Variants in SPAST observed in about 807,000 individuals in gnomAD.
SPAST encodes spastin.
Under a neutral mutation model 76.6 loss-of-function variants are expected in SPAST, and 30 were observed. That is an observed-to-expected ratio of 0.39 (90% confidence interval 0.29 to 0.53). The LOEUF is 0.53. SPAST is among the 20% of genes least tolerant of loss of function. SPAST has a pLI of 0.68. For missense variants in SPAST, 717 were observed against 770.5 expected (o/e 0.93, Z 0.82); for synonymous variants, 305 against 281.0 (o/e 1.09, Z -0.86).
chr2:32,129,069 C>CTCCAAAACTGT (rs1679287689), intron 9 of SPAST: 1 of 154,628 alleles, frequency 6.5e-6, no homozygotes, highest in African/African-American at 2.4e-5. Flanking sequence ...GACTTCAACA[C>CTCCAAAACTGT]GTTTTTGGAG....
At chr2:32,143,311 A>C in intron 13 of SPAST, 25 bp from the exon 14 acceptor site, 1 of 1,260,592 alleles carries the variant, frequency 7.9e-7, no homozygotes, top group Non-Finnish European at 1.2e-6. Context: ...ATTAGACTGA[A>C]TGATCATTTT....
At chr2:32,086,830 C>G (rs1405703614) in intron 1 of SPAST, among the ~76,000 whole-genome samples, 2 of 151,818 alleles carry the variant, frequency 1.3e-5, no homozygotes, top group African/African-American at 4.8e-5. Context: ...AGAAATAAAA[C>G]AAAAAATTAA....
chr2:32,111,985 GTA>G (rs1678628316), intron 4 of SPAST, among the ~76,000 whole-genome samples: 2 of 145,672 alleles, frequency 1.4e-5, no homozygotes, highest in African/African-American at 5.2e-5. Context: ...AGTAGTAGTA[GTA>G]GTAGTAGTAG....
Position 32,154,413 on chromosome 2 carries a change from A to G in SPAST, c.1768A>G (p.Lys590Glu). 1 of 1,612,822 alleles carries G rather than the reference A, an allele frequency of 6.2e-7. No individual in the cohort carries two copies. Among genetic ancestry groups the G allele is most frequent in the African/African-American group, 1.3e-5 (1 of 75,028 alleles). The change falls in exon 17 of 17, where the codon AAA becomes GAA. Residue 590 changes from lysine (K) to glutamate (E), a missense_variant. Lys to Glu is a moderately conservative substitution (Grantham distance 56, BLOSUM62 1). Around this residue, in one of 3 missense-constraint regions of SPAST, gnomAD observed 96 missense variants for 127.6 expected, o/e 0.75. Coordinates refer to ENST00000315285, the MANE Select transcript of SPAST (RefSeq NM_014946.4). Reference sequence around the variant, plus strand: ...ATTATCTGACTTCACTGAATCCTTGAAAAAAATAAAACGCAGCGTCAGCCC... The same window carrying G: ...ATTATCTGACTTCACTGAATCCTTGGAAAAAATAAAACGCAGCGTCAGCCC... ...IRLSDFTESL[K>E]KIKRSVSPQT... is the part of the protein sequence containing the mutation.
intron 3 of SPAST, among the ~76,000 whole-genome samples, chr2:32,093,515 T>G (rs184580293): frequency 6.6e-6 from 1 of 152,208 alleles, no homozygotes; most frequent in African/African-American, 2.4e-5. Flanking sequence ...CCACCTCTTG[T>G]CCACTCCTAA....
At chr2:32,081,283 A>T (rs567451621) in intron 1 of SPAST, among the ~76,000 whole-genome samples, 1 of 151,208 alleles carries the variant, frequency 6.6e-6, no homozygotes, top group East Asian at 2.0e-4. Context: ...TTCAGTAGAG[A>T]TGGGGCTTCA....
chr2:32,098,724 C>A, intron 3 of SPAST, 72 bp from the exon 4 acceptor site: 3 of 996,936 alleles, frequency 3.0e-6, no homozygotes, highest in Non-Finnish European at 4.8e-6. Flanking sequence ...ATTTCACATG[C>A]ACATTTTATT....
intron 4 of SPAST, among the ~76,000 whole-genome samples, chr2:32,110,590 A>G (rs902424882): frequency 1.6e-5 from 2 of 126,338 alleles, no homozygotes; most frequent in Admixed American, 8.3e-5. Flanking sequence ...TAGTGTATAT[A>G]TCGTATATAC....
rs1676533468 is a variant in SPAST, at chr2:32,066,884, G to T, written c.415+2638G>T. The stretch of plus-strand genomic sequence containing the variant: ...AGCTACTTGGGGGGCTGAGGTAGGA[G>T]GATCACTTGAGCTCAGGTTGTTCAG... On this transcript the variant is annotated intron_variant, in intron 1 of 16. Transcript: ENST00000315285. Among the ~76,000 whole-genome samples the T allele has an allele frequency of 2.0e-5, 3 of 148,812 alleles. No homozygotes were observed. The Admixed American group carries it at 2.1e-4, about 10-fold the overall frequency.
chr2:32,143,689 TTAAAG>T (rs1391487122), intron 14 of SPAST, among the ~76,000 whole-genome samples: 1 of 152,128 alleles, frequency 6.6e-6, no homozygotes. Flanking sequence ...GTAAGTGGTA[TTAAAG>T]TAATTTAAAC....
chr2:32,069,025 C>T (rs1417142843), intron 1 of SPAST, among the ~76,000 whole-genome samples: 1 of 152,048 alleles, frequency 6.6e-6, no homozygotes, highest in Non-Finnish European at 1.5e-5. Context: ...GCCTGGCCAA[C>T]ATATTAGTGA....
chr2:32,122,790 AT>A (rs944504578), intron 7 of SPAST, among the ~76,000 whole-genome samples: 1 of 150,276 alleles, frequency 6.7e-6, no homozygotes, highest in Non-Finnish European at 1.5e-5. Flanking sequence ...AAAAAAAAAA[AT>A]AGATGAATAT....
At chr2:32,147,304 GA>G (rs1558343311) in intron 16 of SPAST, 46 bp downstream of exon 16, 1 of 1,008,480 alleles carries the variant, frequency 9.9e-7, no homozygotes, top group Non-Finnish European at 1.5e-6. Flanking sequence ...TATATTGTAA[GA>G]CATATATAAG....
intron 16 of SPAST, among the ~76,000 whole-genome samples, chr2:32,150,638 A>C (rs1161163798): frequency 1.3e-5 from 2 of 151,548 alleles, no homozygotes; most frequent in South Asian, 2.1e-4. Flanking sequence ...GGGTCTCACT[A>C]TGTTGCCTAG....
chr2:32,137,744 T>G (rs185837539), intron 12 of SPAST, among the ~76,000 whole-genome samples: 1 of 152,150 alleles, frequency 6.6e-6, no homozygotes, highest in African/African-American at 2.4e-5. Context: ...ATGGGTTACG[T>G]GGGTATATTG....
intron 16 of SPAST, among the ~76,000 whole-genome samples, chr2:32,149,833 A>G (rs149643784): frequency 6.8e-4 from 104 of 152,246 alleles, no homozygotes; most frequent in African/African-American, 2.2e-3. Context: ...TTTGCTATCT[A>G]TGGGGGAACC....
intron 4 of SPAST, among the ~76,000 whole-genome samples, chr2:32,111,566 A>G (rs933005611): frequency 4.0e-5 from 6 of 151,406 alleles, no homozygotes; most frequent in African/African-American, 1.5e-4. Flanking sequence ...GCCACGTATT[A>G]TATATTAATG....
chr2:32,117,165 A>G (rs1027757266), intron 7 of SPAST, among the ~76,000 whole-genome samples: 1 of 152,090 alleles, frequency 6.6e-6, no homozygotes, highest in Non-Finnish European at 1.5e-5. Flanking sequence ...AGGCAGGAGA[A>G]TCGCTTGAAC....
chr2:32,076,911 T>C (rs1676983926), intron 1 of SPAST, among the ~76,000 whole-genome samples: 1 of 152,118 alleles, frequency 6.6e-6, no homozygotes, highest in Non-Finnish European at 1.5e-5. Context: ...AGTCTCGTTG[T>C]GTCGCCCAGG....
Sources: gnomAD v4.1 joint callset for allele counts (sites outside exome capture counted in the v4.1 genomes callset) on GRCh38, gnomAD v4.1.1 for gene constraint, gnomAD v4.1.1 regional missense constraint, MANE v1.5 for transcripts, NCBI Gene and HGNC (gene_info 2026-07-23, HGNC 2026-07-21) for gene names.